ADK: variants seen among roughly 807,000 people sequenced by gnomAD.
The protein encoded by ADK is N6,N6-dimethyladenosine kinase.
Under a neutral mutation model 44.7 loss-of-function variants are expected in ADK, and 24 were observed. That is an observed-to-expected ratio of 0.54 (90% CI 0.39 to 0.76). The LOEUF is 0.76. Among genes scored for constraint, ADK ranks in the 30% least tolerant of loss-of-function variants. The probability of loss-of-function intolerance (pLI) is 0.00; values close to 1 mark genes in which losing one functional copy is unlikely to be tolerated. For missense variants in ADK, 321 were observed against 425.1 expected, an observed-to-expected ratio of 0.76 and a Z score of 2.15; for synonymous variants, 128 against 142.6, an observed-to-expected ratio of 0.90 and a Z score of 0.73.
chr10:74,211,886 CTATT>C (rs1349480041), intron 2 of ADK, among the ~76,000 whole-genome samples: 1 of 151,786 alleles, frequency 6.6e-6, no homozygotes, highest in Admixed American at 6.6e-5. Context: ...AAAGTTGTAT[CTATT>C]GTGTATATGA....
intron 6 of ADK, among the ~76,000 whole-genome samples, chr10:74,401,370 G>A (rs1383482104): frequency 2.6e-5 from 4 of 152,128 alleles, no homozygotes; most frequent in Non-Finnish European, 5.9e-5. Context: ...CTAAGGACTT[G>A]CTTTATGAAT....
chr10:74,293,690 G>T (rs1394238678), intron 3 of ADK, among the ~76,000 whole-genome samples: 1 of 152,112 alleles, frequency 6.6e-6, no homozygotes, highest in Non-Finnish European at 1.5e-5. Flanking sequence ...AAAGACTAAT[G>T]TACCATATTA....
At chr10:74,558,753 A>G (rs772401900) in intron 7 of ADK, among the ~76,000 whole-genome samples, 5 of 152,318 alleles carry the variant, frequency 3.3e-5, no homozygotes, top group Non-Finnish European at 5.9e-5. Flanking sequence ...GGGATGGGCC[A>G]TGAGCCAAAG....
At chr10:74,234,349 T>C (rs1403243115) in intron 3 of ADK, among the ~76,000 whole-genome samples, 5 of 152,236 alleles carry the variant, frequency 3.3e-5, no homozygotes, top group Non-Finnish European at 7.3e-5. Context: ...ATTGTAATCA[T>C]TCCCATTTTA....
At chr10:74,704,707 T>C (rs140664585) in intron 10 of ADK, among the ~76,000 whole-genome samples, 1 of 152,364 alleles carries the variant, frequency 6.6e-6, no homozygotes, top group Non-Finnish European at 1.5e-5. Context: ...CACAAAAATA[T>C]TTCATAAACA....
intron 9 of ADK, among the ~76,000 whole-genome samples, chr10:74,630,950 C>G (rs1253720309): frequency 6.6e-6 from 1 of 151,302 alleles, no homozygotes; most frequent in Non-Finnish European, 1.5e-5. Context: ...ATATTTTATT[C>G]TATTATTTAA....
intron 7 of ADK, among the ~76,000 whole-genome samples, chr10:74,581,532 A>C (rs186803824): frequency 6.6e-6 from 1 of 152,280 alleles, no homozygotes; most frequent in Non-Finnish European, 1.5e-5. Flanking sequence ...AATTTTTCCA[A>C]ATTTGATAAT....
At chr10:74,157,926 A>G (rs1841798284) in intron 1 of ADK, among the ~76,000 whole-genome samples, 2 of 152,204 alleles carry the variant, frequency 1.3e-5, no homozygotes, top group Admixed American at 1.3e-4. Context: ...TGGGAGTTCC[A>G]AAAAGAGGAA....
chr10:74,151,949 G>C (rs748691090), intron 1 of ADK, among the ~76,000 whole-genome samples: 21 of 152,226 alleles, frequency 1.4e-4, no homozygotes, highest in East Asian at 5.8e-4. Context: ...CAGCAACGGG[G>C]ACAGTGCTGC....
chr10:74,602,981 G>A (rs1852193443), intron 9 of ADK, among the ~76,000 whole-genome samples: 1 of 152,082 alleles, frequency 6.6e-6, no homozygotes, highest in Admixed American at 6.6e-5. Context: ...CATTCGCCAG[G>A]CTCTGGGTGT....
intron 8 of ADK, among the ~76,000 whole-genome samples, chr10:74,599,088 T>G (rs561370870): frequency 1.8e-4 from 27 of 152,316 alleles, no homozygotes; most frequent in African/African-American, 6.5e-4. Context: ...GAATTTCTTC[T>G]CATCTTATCA....
At chr10:74,569,581 A>G (rs1331543011) in intron 7 of ADK, among the ~76,000 whole-genome samples, 1 of 152,168 alleles carries the variant, frequency 6.6e-6, no homozygotes, top group East Asian at 1.9e-4. Context: ...TCTTCTTTTG[A>G]GAAGTGTCTG....
intron 9 of ADK, chr10:74,655,615 TGAG>T: frequency 2.2e-6 from 1 of 444,520 alleles, no homozygotes; most frequent in Non-Finnish European, 4.5e-6. Flanking sequence ...AGCTACAAGA[TGAG>T]GAGGAGGCCA....
chr10:74,507,095 C>A (rs1848107758), intron 6 of ADK, among the ~76,000 whole-genome samples: 1 of 152,016 alleles, frequency 6.6e-6, no homozygotes, highest in Admixed American at 6.6e-5. Context: ...AATTCTGAAG[C>A]TAGTACTTAT....
chr10:74,703,833 C>T (rs1288698290), intron 10 of ADK, among the ~76,000 whole-genome samples: 1 of 152,144 alleles, frequency 6.6e-6, no homozygotes, highest in Non-Finnish European at 1.5e-5. Context: ...AATGTAACTT[C>T]CTCTCAAATA....
chr10:74,474,848 C>T (rs1846762104), intron 6 of ADK, among the ~76,000 whole-genome samples: 1 of 152,194 alleles, frequency 6.6e-6, no homozygotes, highest in South Asian at 2.1e-4. Flanking sequence ...ATAAATTCTG[C>T]CTGGTGCGGA....
At chr10:74,705,220 C>A (rs1017086867) in intron 10 of ADK, among the ~76,000 whole-genome samples, 4 of 152,134 alleles carry the variant, frequency 2.6e-5, no homozygotes, top group African/African-American at 9.7e-5. Context: ...CAGGGAAGGC[C>A]CAGAAGCCTA....
intron 9 of ADK, among the ~76,000 whole-genome samples, chr10:74,668,808 G>T (rs1225958988): frequency 1.3e-5 from 2 of 152,130 alleles, no homozygotes; most frequent in Non-Finnish European, 2.9e-5. Context: ...CAAGGCAGGA[G>T]GATTGCTCGA....
chr10:74,322,028 A>G (rs941921606), intron 4 of ADK, among the ~76,000 whole-genome samples: 1 of 152,224 alleles, frequency 6.6e-6, no homozygotes, highest in Non-Finnish European at 1.5e-5. Context: ...ATGTAAATCA[A>G]AGGACTCATG....
Sources: allele counts gnomAD v4.1 joint callset (sites outside exome capture counted in the v4.1 genomes callset), GRCh38; gene constraint gnomAD v4.1.1; transcripts MANE v1.5; gene names NCBI Gene and HGNC (gene_info 2026-07-23, HGNC 2026-07-21).